Variants in MIS18BP1 observed in about 807,000 individuals in gnomAD.
MIS18BP1 encodes mis18-binding protein 1.
Under a neutral mutation model 116.1 loss-of-function variants are expected in MIS18BP1, and 72 were observed. That is an observed-to-expected ratio of 0.62 (90% CI 0.51 to 0.75). The LOEUF (loss-of-function observed/expected upper bound fraction) is 0.75. Among genes scored for constraint, MIS18BP1 ranks in the 30% least tolerant of loss-of-function variants. MIS18BP1 has a pLI of 0.00. For synonymous variants in MIS18BP1, 386 were observed against 427.0 expected (o/e 0.90, Z 1.18); for missense variants, 1,363 against 1,303.2 (o/e 1.05, Z -0.71).
chr14:45,223,711 C>A (rs545703904), intron 11 of MIS18BP1, among the ~76,000 whole-genome samples: 2 of 152,196 alleles, frequency 1.3e-5, no homozygotes, highest in African/African-American at 4.8e-5. Flanking sequence ...CATACTTAGG[C>A]TTTCCTCGTA....
chr14:45,252,309 A>C (rs1891897655), intron 1 of MIS18BP1, among the ~76,000 whole-genome samples: 1 of 152,266 alleles, frequency 6.6e-6, no homozygotes, highest in Admixed American at 6.5e-5. Flanking sequence ...GTATTCAATA[A>C]AAAGATATAT....
Position 45,247,014 on chromosome 14 carries a change from A to G in MIS18BP1, c.273T>C (p.Asp91=). The G allele has an allele frequency of 1.2e-6, 2 of 1,613,468 alleles. No homozygotes were observed. Among genetic ancestry groups the G allele is most frequent in the Non-Finnish European group, 1.7e-6 (2 of 1,179,914 alleles). ...CCTTGTTGGGCTTTATAGCACTGAT[A>G]TCAAGAGAACTGTTAGAGGTAGTAG... ...TEATTSNSSL[D]ISAIKPNKDG... The change falls in exon 2 of 17, where the codon GAT becomes GAC. Residue 91 remains aspartate (D), a synonymous_variant. Transcript: ENST00000310806.
chr14:45,217,100 C>A lies in MIS18BP1; in HGVS notation c.2922G>T (p.Met974Ile). ...TTGGCAACTGTTCCAGAAATTCCCTCATCTGTTGCTTCCTTTTAAGAGTTC... is the reference window on the plus strand; with the variant it reads ...TTGGCAACTGTTCCAGAAATTCCCTAATCTGTTGCTTCCTTTTAAGAGTTC... ...KVGTLKRKQQMREFLEQLPKD... is the reference protein window; with the variant it reads ...KVGTLKRKQQIREFLEQLPKD... The change falls in exon 13 of 17, where the codon ATG becomes ATT. Residue 974 changes from methionine to isoleucine, a missense_variant. Physicochemically the swap from Met to Ile is conservative, Grantham distance 10. Transcript: ENST00000310806. 1 of 1,614,132 alleles carries A rather than the reference C, an allele frequency of 6.2e-7. No homozygotes were observed. Among genetic ancestry groups the A allele is most frequent in the Non-Finnish European group, 8.5e-7 (1 of 1,179,994 alleles).
intron 11 of MIS18BP1, among the ~76,000 whole-genome samples, chr14:45,218,808 T>C (rs902348403): frequency 2.6e-5 from 4 of 152,204 alleles, no homozygotes; most frequent in African/African-American, 9.6e-5. Flanking sequence ...TTTTCTTCAC[T>C]GTTACCTTAA....
At position 45,235,854 on chromosome 14, in the gene MIS18BP1, T is replaced by C; in HGVS notation, c.1308A>G (p.Ile436Met). The C allele has an allele frequency of 1.2e-6, 2 of 1,609,782 alleles. No homozygotes were observed. The highest frequency in any genetic ancestry group is 1.7e-6 in the Non-Finnish European group (2 of 1,177,976). The change falls in exon 6 of 17, where the codon ATA (isoleucine) becomes ATG (methionine). Residue 436 changes from isoleucine to methionine, a missense_variant. By Grantham distance (10) the Ile-to-Met change is conservative (BLOSUM62 1). Transcript: ENST00000310806. ...KLRTISGNVY[I>M]LKGMIDQISM... The stretch of plus-strand genomic sequence containing the variant: ...AAATTTGGTCTATCATGCCTTTTAA[T>C]ATATAAACGTTGCCTGATATAGTCC...
chr14:45,229,413 A>C (rs1732577421), intron 8 of MIS18BP1, among the ~76,000 whole-genome samples: 1 of 151,626 alleles, frequency 6.6e-6, no homozygotes, highest in Admixed American at 6.6e-5. Flanking sequence ...CTGAGGTGGG[A>C]GGATTGCTTG....
In MIS18BP1 at chr14:45,224,649, C is replaced by T; in HGVS notation, c.1938G>A (p.Lys646=). 1 of 1,613,226 alleles carries T rather than the reference C, an allele frequency of 6.2e-7. No homozygotes were observed. Among genetic ancestry groups the T allele is most frequent in the Non-Finnish European group, 8.5e-7 (1 of 1,179,758 alleles). ...GTGGTGTTACTAAAATATAAGCTTT[C>T]TTCTGATTGATGGCCATGTATTTTC... ...EERKYMAINQ[K]KAYILVTPLK... Residue 646 remains lysine, a synonymous_variant, in exon 11 of 17, where the codon AAG becomes AAA. Transcript: ENST00000310806.
intron 5 of MIS18BP1, 119 bp from the exon 6 acceptor site, chr14:45,236,063 T>C: frequency 1.1e-6 from 1 of 923,114 alleles, no homozygotes; most frequent in Non-Finnish European, 1.6e-6. Flanking sequence ...AATTACAAAA[T>C]ATTTGAAGGC....
In MIS18BP1 at chr14:45,225,109, G is replaced by A. The variant is rs1891090410; in HGVS notation, c.1841-363C>T. 2.6e-5 allele frequency among the ~76,000 whole-genome samples: 4 copies of A among 152,012 alleles called. No individual in the cohort carries two copies. The South Asian group carries it at 6.2e-4, about 24-fold the overall frequency. On this transcript the variant is annotated intron_variant, in intron 10 of 16. Transcript: ENST00000310806. The stretch of plus-strand genomic sequence containing the variant: ...CACTTGCTATTTCTCAGATTTTCTT[G>A]GTTCTCCACTTTTAATAATGTTGTC...
At chr14:45,252,210 C>A (rs1301232105) in intron 1 of MIS18BP1, among the ~76,000 whole-genome samples, 2 of 152,078 alleles carry the variant, frequency 1.3e-5, no homozygotes, top group Admixed American at 1.3e-4. Flanking sequence ...CAGGGAAGTT[C>A]ACTGCAGCAT....
At chr14:45,206,702 G>GGGA (rs1890527753) in intron 14 of MIS18BP1, among the ~76,000 whole-genome samples, 1 of 152,202 alleles carries the variant, frequency 6.6e-6, no homozygotes, top group Admixed American at 6.5e-5. Context: ...AGGAAATACT[G>GGGA]ATCAAGACTA....
Position 45,242,814 on chromosome 14 carries a change from T to G in MIS18BP1, c.605A>C (p.Gln202Pro). The change falls in exon 3 of 17, where the codon CAA becomes CCA. Residue 202 changes from glutamine (Q) to proline (P), a missense_variant. By Grantham distance (76) the Gln-to-Pro change is moderately conservative. Coordinates refer to ENST00000310806, the MANE Select transcript of MIS18BP1 (RefSeq NM_018353.5). ...SNNDIFLPVK[Q>P]KIQCQQEKKA... ...CTTTTCCTGCTGGCACTGAATCTTT[T>G]GTTTGACCGGGAGGAAAATATCATT... The G allele has an allele frequency of 6.2e-7, 1 of 1,613,710 alleles. No homozygotes were observed. The highest frequency in any genetic ancestry group is 1.1e-5 in the South Asian group (1 of 91,054).
chr14:45,241,583 G>T (rs895430231), intron 4 of MIS18BP1: 1 of 153,098 alleles, frequency 6.5e-6, no homozygotes, highest in Non-Finnish European at 1.5e-5. Context: ...TTGTCCTAAT[G>T]TAACAGTTTA....
intron 6 of MIS18BP1, among the ~76,000 whole-genome samples, chr14:45,234,806 C>A (rs1025379513): frequency 6.6e-6 from 1 of 152,184 alleles, no homozygotes; most frequent in Non-Finnish European, 1.5e-5. Context: ...AATTAGGTTA[C>A]ACCAGGACTG....
At chr14:45,252,290 TTACTC>T (rs1383683081) in intron 1 of MIS18BP1, among the ~76,000 whole-genome samples, 1 of 152,182 alleles carries the variant, frequency 6.6e-6, no homozygotes, top group East Asian at 1.9e-4. Flanking sequence ...TCCATACAAT[TTACTC>T]TATGTATTCA....
rs768007329 is a variant in MIS18BP1, at chr14:45,223,885, G to A, written c.2669+33C>T. ...TCTTTAACTGTCTTGTGGCTGCTCT[G>A]TAGATATTTCGGAATGAAATCTAAC... On this transcript the variant is annotated intron_variant, in intron 11 of 16. Coordinates refer to ENST00000310806, the MANE Select transcript of MIS18BP1 (RefSeq NM_018353.5). 3.4e-6 allele frequency: 5 copies of A among 1,461,228 alleles called. No individual in the cohort carries two copies. In the African/African-American group the frequency reaches 5.7e-5, roughly 17 times the overall value. The allele number at this position is 1,461,228 out of a possible 1,614,324, so 90.5% of individuals were successfully genotyped here.
At chr14:45,229,753 T>C (rs1159725914) in intron 8 of MIS18BP1, among the ~76,000 whole-genome samples, 2 of 152,110 alleles carry the variant, frequency 1.3e-5, no homozygotes, top group Non-Finnish European at 2.9e-5. Flanking sequence ...AGATATACTG[T>C]CAAGGATTTT....
In MIS18BP1 at chr14:45,204,085, C is replaced by T; in HGVS notation, c.*24G>A. ...ACTGTCTGCTTTATGGTAAAAATCC[C>T]AGGAATCATATTTTCTCATTTTACT... is the stretch of plus-strand genomic sequence containing the variant. On this transcript the variant is annotated 3_prime_UTR_variant, in exon 17 of 17. Coordinates refer to ENST00000310806, the MANE Select transcript of MIS18BP1 (RefSeq NM_018353.5). 6.2e-7 allele frequency: 1 copy of T among 1,603,048 alleles called. No homozygotes were observed. Among genetic ancestry groups the T allele is most frequent in the East Asian group, 2.2e-5 (1 of 44,516 alleles).
At chr14:45,229,768 T>G (rs2139199400) in intron 8 of MIS18BP1, among the ~76,000 whole-genome samples, 1 of 152,274 alleles carries the variant, frequency 6.6e-6, no homozygotes, top group South Asian at 2.1e-4. Flanking sequence ...GATTTTCTTG[T>G]TTTAGGAGTA....
Sources: allele counts gnomAD v4.1 joint callset (sites outside exome capture counted in the v4.1 genomes callset), GRCh38; gene constraint gnomAD v4.1.1; transcripts MANE v1.5; gene names NCBI Gene and HGNC (gene_info 2026-07-23, HGNC 2026-07-21).